The following NCOA7 variants were observed in gnomAD, a reference collection of about 807,000 sequenced individuals.
The protein encoded by NCOA7 is 140 kDa estrogen receptor-associated protein.
Under a neutral mutation model 104.3 loss-of-function variants are expected in NCOA7, and 45 were observed. That is an observed-to-expected ratio of 0.43 (90% confidence interval 0.34 to 0.55). The LOEUF (loss-of-function observed/expected upper bound fraction) is 0.55, where lower values mean the gene tolerates loss of function less well. Ranked by LOEUF, NCOA7 falls within the 20% of genes least tolerant of loss-of-function variation. NCOA7 has a pLI of 0.02. For missense variants in NCOA7, 1,041 were observed against 1,119.7 expected (o/e 0.93, Z 1.00); for synonymous variants, 398 against 402.3 (o/e 0.99, Z 0.13).
upstream of NCOA7, among the ~76,000 whole-genome samples, chr6:125,788,456 A>T (rs1389197307): frequency 6.6e-6 from 1 of 152,186 alleles, no homozygotes; most frequent in Non-Finnish European, 1.5e-5. Flanking sequence ...TAAAAATGTT[A>T]TAAGAAGCAT....
At chr6:125,919,450 C>G in intron 11 of NCOA7, 1 of 1,610,990 alleles carries the variant, frequency 6.2e-7, no homozygotes, top group Non-Finnish European at 8.5e-7. Context: ...GAGTGCGTCC[C>G]GAGGGCTAAT....
rs564922447 is a variant in NCOA7, at chr6:125,807,619, T to G, written c.-64-7672T>G. The stretch of plus-strand genomic sequence containing the variant: ...AAATTTCCACCTTATAATAATTGAC[T>G]CCTTTCTACAGACAGCCGAGGGCTT... On this transcript the variant is annotated intron_variant, in intron 1 of 15. Transcript: ENST00000392477. Among the ~76,000 whole-genome samples the G allele has an allele frequency of 8.5e-4, 129 of 152,304 alleles. 1 individual carries two copies. The highest frequency in any genetic ancestry group is 3.1e-3 in the African/African-American group (127 of 41,562).
rs1033536617 is a variant in NCOA7 at position 125,811,787 on chromosome 6, C to T, written c.-64-3504C>T. On this transcript the variant is annotated intron_variant, in intron 1 of 15. Transcript: ENST00000392477. ...CATGGCTTCCACTCCCAATACGTCA[C>T]TAATGCAGTCCCGTTGGAGGTCCTC... is the stretch of plus-strand genomic sequence containing the variant. Among the ~76,000 whole-genome samples the T allele has an allele frequency of 2.0e-5, 3 of 152,180 alleles. No individual in the cohort carries two copies. In the East Asian group the frequency reaches 5.8e-4, roughly 29 times the overall value.
intron 1 of NCOA7, among the ~76,000 whole-genome samples, chr6:125,793,091 A>G (rs532551489): frequency 2.6e-5 from 4 of 152,378 alleles, no homozygotes; most frequent in East Asian, 1.9e-4. Context: ...GGATAAGGAA[A>G]TAAAACTTTC....
At chr6:125,869,331 C>T (rs533015970) in intron 3 of NCOA7, among the ~76,000 whole-genome samples, 12 of 152,308 alleles carry the variant, frequency 7.9e-5, no homozygotes, top group South Asian at 4.1e-4. Flanking sequence ...TCTTCCCCCC[C>T]ACCAGCATAC....
intron 10 of NCOA7, among the ~76,000 whole-genome samples, chr6:125,914,906 G>A (rs954743647): frequency 2.0e-5 from 3 of 152,146 alleles, no homozygotes; most frequent in Non-Finnish European, 2.9e-5. Flanking sequence ...CAATTACAAT[G>A]CAATAGTACT....
chr6:125,825,174 CA>C (rs60707053), intron 2 of NCOA7, among the ~76,000 whole-genome samples: 1,334 of 54,086 alleles, frequency 0.025, 47 homozygotes, highest in Admixed American at 0.17. Context: ...CCTGTCTCTA[CA>C]AAAAAAAAAA....
Position 125,811,504 on chromosome 6 carries a change from G to A in NCOA7, c.-64-3787G>A, listed in dbSNP as rs555262337. Among the ~76,000 whole-genome samples the A allele has an allele frequency of 3.0e-4, 45 of 152,122 alleles. 1 individual carries two copies. Among genetic ancestry groups the A allele is most frequent in the Non-Finnish European group, 8.8e-5 (6 of 68,016 alleles). On this transcript the variant is annotated intron_variant, in intron 1 of 15. Transcript: ENST00000392477. ...TATGAAATAAGCTCTTTAGGGGAGA[G>A]GAGCGCACACAAGTGGTCAGGGAAG...
At chr6:125,844,884 T>C (rs1780468191) in intron 2 of NCOA7, among the ~76,000 whole-genome samples, 1 of 152,224 alleles carries the variant, frequency 6.6e-6, no homozygotes, top group South Asian at 2.1e-4. Flanking sequence ...TTAGTAACTT[T>C]TGTTTATTAA....
At chr6:125,907,683 G>A (rs1786145152) in intron 10 of NCOA7, among the ~76,000 whole-genome samples, 1 of 152,158 alleles carries the variant, frequency 6.6e-6, no homozygotes. Context: ...GGGGGTTGGG[G>A]AACAGCTTAG....
At position 125,922,735 on chromosome 6, in the gene NCOA7, T is replaced by C. The variant is rs749387008; in HGVS notation, c.2424T>C (p.Tyr808=). Residue 808 remains tyrosine (Y), a synonymous_variant, in exon 13 of 16, where the codon TAT becomes TAC. Transcript: ENST00000392477. The stretch of plus-strand genomic sequence containing the variant: ...AAGGGTATCCATGGAGACTGGCCTA[T>C]AGCACGTTAGAGCACGGGACCAGCT... ...RVQGYPWRLA[Y]STLEHGTSLK... The C allele has an allele frequency of 8.7e-6, 14 of 1,613,960 alleles. No individual in the cohort carries two copies. The highest frequency in any genetic ancestry group is 1.2e-5 in the Non-Finnish European group (14 of 1,180,022).
rs534915547 is a variant in NCOA7 at position 125,784,072 on chromosome 6, T to C, written c.-141-2065T>C. Among the ~76,000 whole-genome samples, 4 of 152,374 alleles carry C rather than the reference T, an allele frequency of 2.6e-5. No individual in the cohort carries two copies. In the East Asian group the frequency reaches 7.7e-4, roughly 29 times the overall value. On this transcript the variant is annotated intron_variant, in intron 1 of 16. Transcript: ENST00000368357. ...TTAACTTGCCCACAAGTGATTCATC[T>C]TATAGAGTGCCAATTTCTGATTTGA...
At chr6:125,914,654 G>T (rs1270058935) in intron 10 of NCOA7, among the ~76,000 whole-genome samples, 1 of 152,122 alleles carries the variant, frequency 6.6e-6, no homozygotes, top group East Asian at 1.9e-4. Flanking sequence ...ATGAACCTTG[G>T]AGGATATTTC....
rs549521089 is a variant in NCOA7 at position 125,909,952 on chromosome 6, A to G, written c.2097-5381A>G. The stretch of plus-strand genomic sequence containing the variant: ...AAGATTGGGTATTTTATTAAATCCT[A>G]TCTAGAAGGAAGGAAGACTGGAGAG... On this transcript the variant is annotated intron_variant, in intron 10 of 15. Transcript: ENST00000392477. Among the ~76,000 whole-genome samples the G allele has an allele frequency of 6.6e-5, 10 of 152,312 alleles. No individual in the cohort carries two copies. In the South Asian group the frequency reaches 1.5e-3, roughly 22 times the overall value.
chr6:125,852,862 A>G (rs1781238537), intron 2 of NCOA7, among the ~76,000 whole-genome samples: 1 of 152,146 alleles, frequency 6.6e-6, no homozygotes, highest in Admixed American at 6.6e-5. Context: ...GGGTAATGTG[A>G]TGCCTTCAGA....
At chr6:125,816,742 C>T (rs1314175110) in intron 2 of NCOA7, among the ~76,000 whole-genome samples, 1 of 152,154 alleles carries the variant, frequency 6.6e-6, no homozygotes, top group Non-Finnish European at 1.5e-5. Context: ...AGTACAGTAT[C>T]ACAACTAGGA....
At chr6:125,928,070 G>T (rs1437442021) in intron 14 of NCOA7, 104 bp from the exon 15 acceptor site, 17 of 1,070,512 alleles carry the variant, frequency 1.6e-5, no homozygotes, top group Non-Finnish European at 2.3e-5. Context: ...TCCGTCAATG[G>T]GGTGAGGTGG....
At chr6:125,791,393 A>G (rs1168561174) in intron 1 of NCOA7, among the ~76,000 whole-genome samples, 1 of 152,232 alleles carries the variant, frequency 6.6e-6, no homozygotes, top group Non-Finnish European at 1.5e-5. Context: ...TTGGATTTTC[A>G]GCAGCTCAGG....
intron 2 of NCOA7, among the ~76,000 whole-genome samples, chr6:125,848,587 G>T (rs1780834822): frequency 6.6e-6 from 1 of 152,104 alleles, no homozygotes; most frequent in South Asian, 2.1e-4. Context: ...ACTCATAGGT[G>T]GGAATTGAAC....
Sources: allele counts gnomAD v4.1 joint callset (sites outside exome capture counted in the v4.1 genomes callset), GRCh38; gene constraint gnomAD v4.1.1; transcripts MANE v1.5; gene names NCBI Gene and HGNC (gene_info 2026-07-23, HGNC 2026-07-21).